PLCB1: variants seen among roughly 807,000 people sequenced by gnomAD.
PLCB1 encodes the protein 1-phosphatidylinositol 4,5-bisphosphate phosphodiesterase beta-1.
A neutral mutation model predicts 161.8 loss-of-function variants in PLCB1; 46 were observed. The observed-to-expected ratio is 0.28, with a 90% CI of 0.22 to 0.36. PLCB1 has a LOEUF of 0.36. Ranked by LOEUF, PLCB1 falls within the 10% of genes least tolerant of loss-of-function variation. The pLI, the probability that PLCB1 is intolerant of heterozygous loss-of-function variation, is 1.00. For missense variants in PLCB1, 1,016 were observed against 1,472.5 expected (o/e 0.69, Z 5.07); for synonymous variants, 517 against 503.7 (o/e 1.03, Z -0.35).
At chr20:8,323,574 C>A (rs2122167887) in intron 2 of PLCB1, among the ~76,000 whole-genome samples, 1 of 152,242 alleles carries the variant, frequency 6.6e-6, no homozygotes, top group Admixed American at 6.5e-5. Context: ...AGTAGGGCTT[C>A]TCATTCGGAG....
At chr20:8,388,458 A>G (rs544050463) in intron 3 of PLCB1, among the ~76,000 whole-genome samples, 1 of 152,330 alleles carries the variant, frequency 6.6e-6, no homozygotes. Context: ...AGATTTCACC[A>G]TTATGTGAAG....
At chr20:8,846,075 A>C (rs1986680327) in intron 31 of PLCB1, among the ~76,000 whole-genome samples, 2 of 152,238 alleles carry the variant, frequency 1.3e-5, no homozygotes, top group Non-Finnish European at 2.9e-5. Flanking sequence ...CGTAATTAAT[A>C]AAGAAAAGAG....
At chr20:8,232,237 G>A (rs1330338580) in intron 2 of PLCB1, among the ~76,000 whole-genome samples, 1 of 142,758 alleles carries the variant, frequency 7.0e-6, no homozygotes, top group Non-Finnish European at 1.5e-5. Context: ...GAGAGAGAGA[G>A]AGAGAGAGAG....
At chr20:8,437,115 T>C (rs1980348275) in intron 3 of PLCB1, among the ~76,000 whole-genome samples, 1 of 152,070 alleles carries the variant, frequency 6.6e-6, no homozygotes, top group Admixed American at 6.6e-5. Context: ...TAATGATCTG[T>C]TCAGCCAGGC....
chr20:8,534,815 A>G (rs147042400), intron 3 of PLCB1, among the ~76,000 whole-genome samples: 2 of 152,282 alleles, frequency 1.3e-5, no homozygotes, highest in East Asian at 3.9e-4. Context: ...TTAATTATCC[A>G]TCTTGACAGG....
intron 2 of PLCB1, among the ~76,000 whole-genome samples, chr20:8,153,554 A>G (rs976449300): frequency 6.6e-6 from 1 of 152,200 alleles, no homozygotes; most frequent in Non-Finnish European, 1.5e-5. Context: ...CATGTGAACT[A>G]TAAGAATCTG....
At chr20:8,277,537 TCA>T (rs1174489728) in intron 2 of PLCB1, among the ~76,000 whole-genome samples, 1 of 152,144 alleles carries the variant, frequency 6.6e-6, no homozygotes, top group African/African-American at 2.4e-5. Context: ...TTTCTTAGAC[TCA>T]CAGTTTTGAC....
chr20:8,858,533 C>T (rs1987142753), intron 31 of PLCB1, among the ~76,000 whole-genome samples: 1 of 152,148 alleles, frequency 6.6e-6, no homozygotes, highest in Admixed American at 6.5e-5. Context: ...CAAGTGAGAT[C>T]CCTCGGGGAG....
intron 2 of PLCB1, among the ~76,000 whole-genome samples, chr20:8,358,550 GT>G (rs1986439754): frequency 6.6e-6 from 1 of 151,546 alleles, no homozygotes; most frequent in South Asian, 2.1e-4. Context: ...CGAGCCCGGC[GT>G]GTCCTACCCT....
intron 3 of PLCB1, among the ~76,000 whole-genome samples, chr20:8,390,524 G>A (rs974156916): frequency 1.2e-4 from 18 of 152,148 alleles, no homozygotes; most frequent in Middle Eastern, 3.2e-3. Context: ...CCTAGCTTAG[G>A]ATTTGCTTCT....
intron 3 of PLCB1, among the ~76,000 whole-genome samples, chr20:8,399,470 A>G (rs1240057343): frequency 6.6e-6 from 1 of 151,916 alleles, no homozygotes; most frequent in Non-Finnish European, 1.5e-5. Context: ...ATTTTTTACT[A>G]TTTCATTGTT....
chr20:8,499,456 G>A (rs1471989238), intron 3 of PLCB1, among the ~76,000 whole-genome samples: 1 of 152,156 alleles, frequency 6.6e-6, no homozygotes, highest in Admixed American at 6.5e-5. Context: ...AAGTCAGAAA[G>A]ATATACAGAA....
At chr20:8,644,766 G>T (rs1345788547) in intron 4 of PLCB1, among the ~76,000 whole-genome samples, 1 of 151,526 alleles carries the variant, frequency 6.6e-6, no homozygotes, top group African/African-American at 2.4e-5. Flanking sequence ...GCCTCTGCCC[G>T]GCCGCCCCTA....
chr20:8,201,063 C>T (rs1052324166), intron 2 of PLCB1, among the ~76,000 whole-genome samples: 2 of 152,044 alleles, frequency 1.3e-5, no homozygotes, highest in Admixed American at 6.6e-5. Context: ...AAGGCAGGCC[C>T]ACCTAGGATT....
intron 2 of PLCB1, among the ~76,000 whole-genome samples, chr20:8,355,155 C>A (rs957359559): frequency 2.0e-5 from 3 of 151,888 alleles, no homozygotes; most frequent in African/African-American, 7.3e-5. Flanking sequence ...TTGCTTATAA[C>A]ATTCTTTTTC....
At chr20:8,169,405 C>G (rs779934212) in intron 2 of PLCB1, among the ~76,000 whole-genome samples, 1 of 152,112 alleles carries the variant, frequency 6.6e-6, no homozygotes, top group African/African-American at 2.4e-5. Context: ...AAATAGGAAT[C>G]CCATGAGGAT....
At chr20:8,166,619 C>T (rs561867427) in intron 2 of PLCB1, among the ~76,000 whole-genome samples, 31 of 152,272 alleles carry the variant, frequency 2.0e-4, no homozygotes, top group African/African-American at 7.5e-4. Flanking sequence ...AGATTGGTAT[C>T]ATGTTCTTCC....
intron 3 of PLCB1, among the ~76,000 whole-genome samples, chr20:8,419,905 G>A (rs1369990436): frequency 6.6e-6 from 1 of 152,060 alleles, no homozygotes; most frequent in Non-Finnish European, 1.5e-5. Context: ...TGTTGTGGTG[G>A]GTTTGTGACT....
intron 3 of PLCB1, among the ~76,000 whole-genome samples, chr20:8,571,832 G>C (rs1244697307): frequency 6.6e-6 from 1 of 152,180 alleles, no homozygotes; most frequent in African/African-American, 2.4e-5. Flanking sequence ...AAAGCTCGGG[G>C]TGTCTGTTAG....
Sources: allele counts gnomAD v4.1 joint callset (sites outside exome capture counted in the v4.1 genomes callset), GRCh38; gene constraint gnomAD v4.1.1; transcripts MANE v1.5; gene names NCBI Gene and HGNC (gene_info 2026-07-23, HGNC 2026-07-21).